Variants in DOCK11 observed in about 807,000 individuals in gnomAD.
DOCK11 encodes dedicator of cytokinesis 11, also known as dedicator of cytokinesis protein 11.
A neutral mutation model predicts 169.1 loss-of-function variants in DOCK11; 70 were observed. The ratio of observed to expected loss-of-function variants is 0.41; its 90% CI spans 0.34 to 0.51. The LOEUF (loss-of-function observed/expected upper bound fraction) is 0.51. DOCK11 is among the 20% of genes least tolerant of loss of function. DOCK11 has a pLI of 0.10. For missense variants in DOCK11, 1,166 were observed against 1,538.8 expected, an observed-to-expected ratio of 0.76 and a Z score of 4.05; for synonymous variants, 529 against 541.3, an observed-to-expected ratio of 0.98 and a Z score of 0.32.
intron 40 of DOCK11, among the ~76,000 whole-genome samples, chrX:118,648,198 T>TATATAATATTATAATATTATATAATA (rs1309240517): frequency 1.4e-5 from 1 of 71,315 alleles, no homozygotes; most frequent in Non-Finnish European, 2.4e-5. Context: ...AATAATATAA[T>TATATAATATTATAATATTATATAATA]ATATAATATT....
chrX:118,648,879 A>G, intron 40 of DOCK11, 66 bp from the exon 41 acceptor site: 1 of 1,010,086 alleles, frequency 9.9e-7, no homozygotes, highest in Non-Finnish European at 1.3e-6. Flanking sequence ...TATAGAGGGC[A>G]CTTGATATTC....
At chrX:118,637,093 C>G (rs1435715532) in intron 36 of DOCK11, among the ~76,000 whole-genome samples, 1 of 112,202 alleles carries the variant, frequency 8.9e-6, no homozygotes, top group East Asian at 2.8e-4. Context: ...GGATTAAAGT[C>G]TTACAAACTT....
chrX:118,591,978 A>C (rs372332354), intron 19 of DOCK11, among the ~76,000 whole-genome samples: 17 of 107,021 alleles, frequency 1.6e-4, no homozygotes, highest in South Asian at 8.7e-4. Context: ...TTTTTTATGG[A>C]TGCATAGTAT....
intron 2 of DOCK11, 36 bp from the exon 3 acceptor site, chrX:118,542,888 AGC>A: frequency 1.7e-6 from 2 of 1,202,155 alleles, no homozygotes; most frequent in Non-Finnish European, 2.3e-6. Flanking sequence ...CTATTTTTCA[AGC>A]CAGTTCTTAC....
At chrX:118,496,511 GCACACACACTCTCGCGCGCACACATA>G (rs941280269) in intron 1 of DOCK11, among the ~76,000 whole-genome samples, 2 of 112,761 alleles carry the variant, frequency 1.8e-5, no homozygotes, top group African/African-American at 6.4e-5. Flanking sequence ...TGAGCGTTTG[GCACACACACTCTCGCGCGCACACATA>G]CACACACTGT....
At chrX:118,638,681 TA>T (rs745761221) in intron 37 of DOCK11, among the ~76,000 whole-genome samples, 21 of 111,987 alleles carry the variant, frequency 1.9e-4, no homozygotes, top group African/African-American at 5.8e-4. Context: ...AAAACAGTTT[TA>T]AAAAATGTTT....
At chrX:118,522,570 G>T (rs901333409) in intron 1 of DOCK11, among the ~76,000 whole-genome samples, 2 of 112,017 alleles carry the variant, frequency 1.8e-5, no homozygotes, top group Non-Finnish European at 3.8e-5. Context: ...GCACAATTTG[G>T]TTCCTTGAAG....
chrX:118,580,186 A>G lies in DOCK11; in HGVS notation c.1595+7A>G. The G allele has an allele frequency of 2.5e-6, 3 of 1,200,144 alleles. No homozygotes were observed. Among genetic ancestry groups the G allele is most frequent in the Non-Finnish European group, 3.4e-6 (3 of 887,763 alleles). ...CCTTCGCTTGGGCTGCCAGGTTTGT[A>G]CAAATATAATCCTGACCCGCTCACT... is the stretch of plus-strand genomic sequence containing the variant. On this transcript the variant is annotated splice_region_variant and intron_variant, in intron 14 of 52. Coordinates refer to ENST00000276202, the MANE Select transcript of DOCK11 (RefSeq NM_144658.4).
intron 31 of DOCK11, among the ~76,000 whole-genome samples, chrX:118,620,059 G>A (rs1569432117): frequency 1.8e-5 from 2 of 110,141 alleles, no homozygotes; most frequent in Non-Finnish European, 1.9e-5. Flanking sequence ...CTCATGATCC[G>A]CCCCCCTCAG....
Position 118,628,311 on chromosome X carries a change from T to A in DOCK11, c.3774+39T>A, listed in dbSNP as rs769164233. 17 of 960,362 alleles carry A rather than the reference T, an allele frequency of 1.8e-5. 1 individual carries two copies. The highest frequency in any genetic ancestry group is 1.0e-4 in the South Asian group (5 of 47,733). The allele number at this position is 960,362 out of a possible 1,213,427, so 79.1% of individuals were successfully genotyped here. Reference sequence around the variant, plus strand: ...TATATAGGATGACCCTAGTGACACATTAGCCTGCAACAATTTTTTTATAGT... The same window carrying A: ...TATATAGGATGACCCTAGTGACACAATAGCCTGCAACAATTTTTTTATAGT... On this transcript the variant is annotated intron_variant, in intron 34 of 52. Transcript: ENST00000276202.
chrX:118,632,159 T>C (rs1414811077), intron 35 of DOCK11, among the ~76,000 whole-genome samples: 1 of 111,080 alleles, frequency 9.0e-6, no homozygotes, highest in Non-Finnish European at 1.9e-5. Flanking sequence ...TTCACGGTGT[T>C]AGCCAGGATG....
intron 1 of DOCK11, among the ~76,000 whole-genome samples, chrX:118,515,377 G>A (rs182918251): frequency 1.8e-5 from 2 of 111,435 alleles, no homozygotes; most frequent in Non-Finnish European, 1.9e-5. Context: ...GGGATTACAG[G>A]CATGCACCAC....
intron 1 of DOCK11, among the ~76,000 whole-genome samples, chrX:118,501,230 C>T (rs2057573972): frequency 9.0e-6 from 1 of 111,495 alleles, no homozygotes; most frequent in African/African-American, 3.3e-5. Flanking sequence ...CCTGTAATCC[C>T]AGCACTTTGG....
chrX:118,667,422 G>GTT (rs72150871), intron 45 of DOCK11, among the ~76,000 whole-genome samples: 283 of 97,990 alleles, frequency 2.9e-3, no homozygotes, highest in Middle Eastern at 0.026. Flanking sequence ...TTTTAAGACA[G>GTT]TTTTTTTTTT....
At chrX:118,560,726 G>A (rs1261772289) in intron 6 of DOCK11, among the ~76,000 whole-genome samples, 1 of 111,658 alleles carries the variant, frequency 9.0e-6, no homozygotes, top group African/African-American at 3.3e-5. Flanking sequence ...CTGTTCCTGT[G>A]GGCTTTGCTG....
chrX:118,630,304 T>TA (rs1314111094), intron 34 of DOCK11, 75 bp from the exon 35 acceptor site: 8 of 579,407 alleles, frequency 1.4e-5, no homozygotes, highest in Admixed American at 9.1e-5. Flanking sequence ...GATCTAATGA[T>TA]AAAAAAAGAG....
intron 41 of DOCK11, 41 bp downstream of exon 41, chrX:118,649,168 CAATCTTT>C: frequency 9.2e-7 from 1 of 1,081,540 alleles, no homozygotes; most frequent in Non-Finnish European, 1.2e-6. Flanking sequence ...TTCTTCTCTT[CAATCTTT>C]AACCTCTAGA....
At chrX:118,519,932 A>G (rs1385633989) in intron 1 of DOCK11, among the ~76,000 whole-genome samples, 5 of 111,891 alleles carry the variant, frequency 4.5e-5, no homozygotes, top group Non-Finnish European at 5.6e-5. Flanking sequence ...AGAGAAGGAT[A>G]ACTCTGGGAA....
At chrX:118,506,471 G>A (rs1266744533) in intron 1 of DOCK11, among the ~76,000 whole-genome samples, 1 of 110,708 alleles carries the variant, frequency 9.0e-6, no homozygotes, top group Non-Finnish European at 1.9e-5. Flanking sequence ...TTTGAGATCA[G>A]CCTGGCCAAC....
Sources: allele counts gnomAD v4.1 joint callset (sites outside exome capture counted in the v4.1 genomes callset), GRCh38; gene constraint gnomAD v4.1.1; transcripts MANE v1.5; gene names NCBI Gene and HGNC (gene_info 2026-07-23, HGNC 2026-07-21).